Variants in ADARB2 observed in about 807,000 individuals in gnomAD.
ADARB2 encodes the protein inactive double-stranded RNA-specific editase B2.
In ADARB2, 25 loss-of-function variants were observed where a neutral mutation model predicts 62.2. The ratio of observed to expected loss-of-function variants is 0.40; its 90% CI spans 0.29 to 0.56. The LOEUF is 0.56. ADARB2 is among the 20% of genes least tolerant of loss of function. The pLI is 0.43. For missense variants in ADARB2, 1,071 were observed against 1,077.4 expected (o/e 0.99, Z 0.08); for synonymous variants, 572 against 500.8 (o/e 1.14, Z -1.90).
intron 1 of ADARB2, among the ~76,000 whole-genome samples, chr10:1,705,322 G>C (rs1385245356): frequency 6.6e-6 from 1 of 152,152 alleles, no homozygotes; most frequent in Non-Finnish European, 1.5e-5. Flanking sequence ...GGGGAGGGTA[G>C]TGTGGTCTGG....
At chr10:1,223,771 G>T (rs1830718196) in intron 6 of ADARB2, among the ~76,000 whole-genome samples, 1 of 152,176 alleles carries the variant, frequency 6.6e-6, no homozygotes, top group South Asian at 2.1e-4. Flanking sequence ...CAGGGATGAA[G>T]CCCACTTGAT....
chr10:1,701,183 T>G (rs868013993), intron 1 of ADARB2, among the ~76,000 whole-genome samples: 3 of 1,120 alleles, frequency 2.7e-3, no homozygotes, highest in African/African-American at 3.0e-3. Flanking sequence ...GTCAATACAC[T>G]CAATCCCACT....
At chr10:1,339,126 G>C (rs971008179) in intron 3 of ADARB2, among the ~76,000 whole-genome samples, 5 of 152,176 alleles carry the variant, frequency 3.3e-5, no homozygotes, top group African/African-American at 4.8e-5. Flanking sequence ...CGGGTTGCTC[G>C]GCCACGCCCT....
intron 1 of ADARB2, among the ~76,000 whole-genome samples, chr10:1,453,542 G>A (rs771140710): frequency 1.1e-4 from 17 of 151,962 alleles, no homozygotes; most frequent in Non-Finnish European, 1.8e-4. Flanking sequence ...GAATGGTCTC[G>A]GTACCCTTTT....
At chr10:1,533,420 C>T (rs1046342362) in intron 1 of ADARB2, among the ~76,000 whole-genome samples, 15 of 151,068 alleles carry the variant, frequency 9.9e-5, no homozygotes, top group Admixed American at 2.0e-4. Flanking sequence ...GAGCCACTAC[C>T]ACCTTTTAAT....
intron 1 of ADARB2, among the ~76,000 whole-genome samples, chr10:1,733,713 T>A (rs1564207768): frequency 6.6e-6 from 1 of 152,242 alleles, no homozygotes. Flanking sequence ...AGCTATTTTC[T>A]AATACAGGCA....
chr10:1,293,406 G>A (rs977379104), intron 3 of ADARB2, among the ~76,000 whole-genome samples: 1 of 79,126 alleles, frequency 1.3e-5, no homozygotes, highest in Non-Finnish European at 2.9e-5. Flanking sequence ...TACTCTTCAT[G>A]TGGTCTGTTT....
At chr10:1,646,827 T>C (rs1834049177) in intron 1 of ADARB2, among the ~76,000 whole-genome samples, 1 of 152,234 alleles carries the variant, frequency 6.6e-6, no homozygotes, top group Non-Finnish European at 1.5e-5. Context: ...CTGAGTGTGA[T>C]TGCTGTGTGC....
intron 1 of ADARB2, among the ~76,000 whole-genome samples, chr10:1,730,664 CTTCT>C (rs373454567): frequency 1.1e-4 from 15 of 136,640 alleles, no homozygotes; most frequent in African/African-American, 3.7e-4. Flanking sequence ...ACATGTTACT[CTTCT>C]TTTTTTATAG....
chr10:1,525,537 G>A (rs1025385471), intron 1 of ADARB2, among the ~76,000 whole-genome samples: 6 of 152,076 alleles, frequency 3.9e-5, no homozygotes, highest in Admixed American at 3.9e-4. Flanking sequence ...TCAGTTCAAA[G>A]TACATCAGCA....
chr10:1,465,498 G>T (rs1482838164), intron 1 of ADARB2, among the ~76,000 whole-genome samples: 2 of 152,142 alleles, frequency 1.3e-5, no homozygotes, highest in Non-Finnish European at 2.9e-5. Context: ...CTGTGTCCTT[G>T]GGGACCGTGA....
At chr10:1,424,356 A>C (rs1269147438) in intron 1 of ADARB2, among the ~76,000 whole-genome samples, 1 of 152,228 alleles carries the variant, frequency 6.6e-6, no homozygotes, top group Non-Finnish European at 1.5e-5. Context: ...GAGAGCAAGA[A>C]GAAAGGCTGA....
chr10:1,519,053 G>T (rs1309172322), intron 1 of ADARB2, among the ~76,000 whole-genome samples: 1 of 151,828 alleles, frequency 6.6e-6, no homozygotes, highest in Non-Finnish European at 1.5e-5. Flanking sequence ...TGTAATGTGT[G>T]CATGTGGTAT....
chr10:1,303,430 T>G (rs1831594152), intron 3 of ADARB2, among the ~76,000 whole-genome samples: 1 of 151,988 alleles, frequency 6.6e-6, no homozygotes, highest in African/African-American at 2.4e-5. Context: ...ATGGGGAGAA[T>G]GGAACCAAGT....
At chr10:1,219,936 ATGG>A (rs553434024) in intron 6 of ADARB2, among the ~76,000 whole-genome samples, 271 of 134,594 alleles carry the variant, frequency 2.0e-3, no homozygotes, top group African/African-American at 7.2e-3. Flanking sequence ...GATGGTGATG[ATGG>A]TGGTGATAAT....
chr10:1,686,598 A>G (rs1277795755), intron 1 of ADARB2, among the ~76,000 whole-genome samples: 1 of 152,178 alleles, frequency 6.6e-6, no homozygotes, highest in Non-Finnish European at 1.5e-5. Context: ...CGGGACTGTG[A>G]ACCCGCTGGG....
chr10:1,624,596 C>A (rs1186428411), intron 1 of ADARB2, among the ~76,000 whole-genome samples: 1 of 152,150 alleles, frequency 6.6e-6, no homozygotes, highest in Non-Finnish European at 1.5e-5. Context: ...GACAATTTCC[C>A]ACCTCTGAAA....
chr10:1,437,230 A>G (rs1189668820), intron 1 of ADARB2, among the ~76,000 whole-genome samples: 1 of 145,736 alleles, frequency 6.9e-6, no homozygotes, highest in African/African-American at 2.6e-5. Flanking sequence ...ATATATATAT[A>G]TACACACACA....
intron 1 of ADARB2, among the ~76,000 whole-genome samples, chr10:1,649,346 C>A (rs1834082791): frequency 6.6e-6 from 1 of 152,220 alleles, no homozygotes; most frequent in Admixed American, 6.5e-5. Context: ...CATGTGCAAT[C>A]TTCAGCATCG....
Sources: allele counts gnomAD v4.1 joint callset (sites outside exome capture counted in the v4.1 genomes callset), GRCh38; gene constraint gnomAD v4.1.1; transcripts MANE v1.5; gene names NCBI Gene and HGNC (gene_info 2026-07-23, HGNC 2026-07-21).